Variants in BLTP2 observed in about 807,000 individuals in gnomAD.
BLTP2 encodes the protein bridge-like lipid transfer protein family member 2.
chr17:28,644,078 GAAACTTAAGACTGACATTCTGGATCC>G, the BLTP2 span: 1 of 1,614,236 alleles, frequency 6.2e-7, no homozygotes, highest in Non-Finnish European at 8.5e-7. Flanking sequence ...TGGTGTTGCT[GAAACTTAAGACTGACATTCTGGATCC>G]AAAAAAAGCG....
chr17:28,615,382 G>C, the BLTP2 span: 2 of 825,958 alleles, frequency 2.4e-6, no homozygotes, highest in Non-Finnish European at 3.7e-6. Context: ...AATGGTCTCT[G>C]CTTTCAAGAA....
the BLTP2 span, among the ~76,000 whole-genome samples, chr17:28,630,448 T>C: frequency 1.3e-5 from 2 of 148,532 alleles, no homozygotes; most frequent in African/African-American, 2.5e-5. Context: ...ATGAGCCACC[T>C]GAGCCCAGCC....
At chr17:28,619,773 A>G in the BLTP2 span, 72 of 1,613,966 alleles carry the variant, frequency 4.5e-5, 1 homozygote, top group Non-Finnish European at 5.4e-5. Context: ...CATCCTGCAA[A>G]GACTAGGGAA....
the BLTP2 span, chr17:28,617,028 A>G: frequency 9.7e-5 from 148 of 1,526,112 alleles, no homozygotes; most frequent in East Asian, 3.4e-3. Context: ...AGAAGAGCCC[A>G]ACCCAATGTC....
chr17:28,629,754 C>T, the BLTP2 span, among the ~76,000 whole-genome samples: 759 of 152,318 alleles, frequency 5.0e-3, 4 homozygotes, highest in Non-Finnish European at 7.9e-3. Context: ...GCTGGGATTA[C>T]AGTCGTGAGC....
the BLTP2 span, chr17:28,620,699 C>G: frequency 1.9e-6 from 3 of 1,565,278 alleles, no homozygotes; most frequent in Non-Finnish European, 2.6e-6. Flanking sequence ...ATCTCTTAAC[C>G]CACATTTGGA....
At chr17:28,641,955 C>T in the BLTP2 span, 3 of 1,614,188 alleles carry the variant, frequency 1.9e-6, no homozygotes, top group Non-Finnish European at 2.5e-6. Flanking sequence ...TGGAAGAGGC[C>T]CTCATGCAGT....
chr17:28,638,586 T>C, the BLTP2 span: 4 of 1,613,954 alleles, frequency 2.5e-6, no homozygotes, highest in Non-Finnish European at 3.4e-6. Flanking sequence ...AATGGAAATG[T>C]TGACATTGGA....
At chr17:28,640,667 T>C in the BLTP2 span, 1 of 1,614,046 alleles carries the variant, frequency 6.2e-7, no homozygotes, top group Non-Finnish European at 8.5e-7. Flanking sequence ...TTGGCTCAAC[T>C]AAGTTTTCTG....
At chr17:28,630,163 CTATT>C in the BLTP2 span, among the ~76,000 whole-genome samples, 1 of 152,074 alleles carries the variant, frequency 6.6e-6, no homozygotes, top group South Asian at 2.1e-4. Context: ...CACACTTTGC[CTATT>C]TATTTCTGAG....
At chr17:28,642,045 G>A in the BLTP2 span, 2 of 1,614,178 alleles carry the variant, frequency 1.2e-6, no homozygotes, top group South Asian at 1.1e-5. Context: ...CACAGGTCCA[G>A]GGCCAGTGAA....
At chr17:28,643,054 A>G in the BLTP2 span, 1 of 1,532,236 alleles carries the variant, frequency 6.5e-7, no homozygotes, top group Non-Finnish European at 9.0e-7. Context: ...TCCAGATGAG[A>G]AAGAGGGGCA....
chr17:28,615,308 A>C, the BLTP2 span: 3 of 1,385,070 alleles, frequency 2.2e-6, no homozygotes, highest in Non-Finnish European at 3.0e-6. Flanking sequence ...GAATAAATCA[A>C]AATGAACCAA....
chr17:28,629,689 G>C, the BLTP2 span, among the ~76,000 whole-genome samples: 1 of 152,288 alleles, frequency 6.6e-6, no homozygotes, highest in East Asian at 1.9e-4. Flanking sequence ...ATATTGGCCA[G>C]GCTGGTCTCA....
At chr17:28,624,536 GCCCAT>G in the BLTP2 span, 10 of 608,368 alleles carry the variant, frequency 1.6e-5, no homozygotes, top group African/African-American at 1.7e-4. Flanking sequence ...CTCTAGCCCA[GCCCAT>G]CCCTTGACCC....
At chr17:28,622,843 G>A in the BLTP2 span, among the ~76,000 whole-genome samples, 15 of 152,194 alleles carry the variant, frequency 9.9e-5, no homozygotes, top group African/African-American at 3.1e-4. Flanking sequence ...TTGGGAGGCC[G>A]AGGCGGGCGG....
chr17:28,641,976 G>A, the BLTP2 span: 3 of 1,614,224 alleles, frequency 1.9e-6, no homozygotes, highest in Non-Finnish European at 1.7e-6. Flanking sequence ...TCAGCATGGA[G>A]TGTCCACACA....
At chr17:28,619,671 T>C in the BLTP2 span, 4 of 1,613,872 alleles carry the variant, frequency 2.5e-6, no homozygotes, top group Non-Finnish European at 3.4e-6. Context: ...GGATATTCAG[T>C]TCTTCACTTT....
chr17:28,638,872 C>A, the BLTP2 span, among the ~76,000 whole-genome samples: 39 of 152,168 alleles, frequency 2.6e-4, 1 homozygote, highest in Non-Finnish European at 5.0e-4. Flanking sequence ...ATAAAATTAT[C>A]ATTTTCATAG....
Sources: gnomAD v4.1 joint callset for allele counts (sites outside exome capture counted in the v4.1 genomes callset) on GRCh38, gnomAD v4.1.1 for gene constraint, MANE v1.5 for transcripts, NCBI Gene and HGNC (gene_info 2026-07-23, HGNC 2026-07-21) for gene names.